Variants in AFAP1L1 observed in about 807,000 individuals in gnomAD.
The protein encoded by AFAP1L1 is actin filament-associated protein 1-like 1.
In AFAP1L1, 77 loss-of-function variants were observed where a neutral mutation model predicts 99.8. That is an observed-to-expected ratio of 0.77 (90% CI 0.64 to 0.93). The LOEUF is 0.93. Ranked by LOEUF, AFAP1L1 falls within the 40% of genes least tolerant of loss-of-function variation. The probability of loss-of-function intolerance (pLI) is 0.00; values close to 1 mark genes in which losing one functional copy is unlikely to be tolerated. For synonymous variants in AFAP1L1, 373 were observed against 395.3 expected, an observed-to-expected ratio of 0.94 and a Z score of 0.67; for missense variants, 893 against 996.8, an observed-to-expected ratio of 0.90 and a Z score of 1.40.
rs143430138 is a variant in AFAP1L1 at position 149,318,213 on chromosome 5, C to T, written c.1479+273C>T. Among the ~76,000 whole-genome samples, 25 of 152,286 alleles carry T rather than the reference C, an allele frequency of 1.6e-4. No homozygotes were observed. The South Asian group carries it at 2.5e-3, about 15-fold the overall frequency. On this transcript the variant is annotated intron_variant, in intron 12 of 18. Coordinates refer to ENST00000296721, the MANE Select transcript of AFAP1L1 (RefSeq NM_152406.4). ...ACGCAACATTGGAGCTTTATTGATA[C>T]TAAAATATTATTCATTGTTCATCTG...
At chr5:149,283,043 A>G (rs1203498434) in intron 1 of AFAP1L1, among the ~76,000 whole-genome samples, 1 of 151,912 alleles carries the variant, frequency 6.6e-6, no homozygotes, top group Non-Finnish European at 1.5e-5. Flanking sequence ...TAAGGAAGCT[A>G]TGCAGATCCC....
chr5:149,325,373 G>A (rs1244307189), intron 15 of AFAP1L1, among the ~76,000 whole-genome samples: 1 of 152,200 alleles, frequency 6.6e-6, no homozygotes, highest in Non-Finnish European at 1.5e-5. Flanking sequence ...AGGAAGGGCA[G>A]GCTGCCAGTA....
At chr5:149,318,893 G>A (rs1399915164) in intron 12 of AFAP1L1, among the ~76,000 whole-genome samples, 3 of 152,126 alleles carry the variant, frequency 2.0e-5, no homozygotes, top group African/African-American at 7.2e-5. Context: ...TCTTGGTCTT[G>A]TTTTCTGCCC....
intron 1 of AFAP1L1, among the ~76,000 whole-genome samples, chr5:149,283,005 C>T (rs995982513): frequency 6.6e-6 from 1 of 152,200 alleles, no homozygotes; most frequent in South Asian, 2.1e-4. Flanking sequence ...ACAGCCCATT[C>T]CATCCCTCTT....
intron 7 of AFAP1L1, among the ~76,000 whole-genome samples, chr5:149,308,890 T>C (rs1756519615): frequency 6.6e-6 from 1 of 151,140 alleles, no homozygotes; most frequent in African/African-American, 2.4e-5. Context: ...AAGCTAGGAG[T>C]TCGAAACCAG....
chr5:149,333,909 A>ATG (rs34521043), intron 17 of AFAP1L1, among the ~76,000 whole-genome samples: 16,835 of 152,126 alleles, frequency 0.11, 1,265 homozygotes, highest in Non-Finnish European at 0.16. Flanking sequence ...ATTTGTGTGT[A>ATG]TGTGTGTGTG....
intron 2 of AFAP1L1, 26 bp downstream of exon 2, chr5:149,299,663 G>A: frequency 2.5e-6 from 4 of 1,613,862 alleles, no homozygotes; most frequent in Non-Finnish European, 3.4e-6. Context: ...CCTGCCTGGA[G>A]GAGCTCCACT....
At chr5:149,336,301 A>T (rs1274799943) in intron 18 of AFAP1L1, among the ~76,000 whole-genome samples, 2 of 152,268 alleles carry the variant, frequency 1.3e-5, no homozygotes, top group African/African-American at 4.8e-5. Context: ...TATATAGCAC[A>T]TGGAGTGAAT....
At chr5:149,279,787 A>G (rs1755457055) in intron 1 of AFAP1L1, among the ~76,000 whole-genome samples, 1 of 152,088 alleles carries the variant, frequency 6.6e-6, no homozygotes, top group Admixed American at 6.5e-5. Flanking sequence ...GCAGCTTTGA[A>G]TATTTTGTGC....
At chr5:149,331,437 G>A (rs995922398) in intron 16 of AFAP1L1, among the ~76,000 whole-genome samples, 1 of 152,078 alleles carries the variant, frequency 6.6e-6, no homozygotes, top group Non-Finnish European at 1.5e-5. Flanking sequence ...TGGCTAACAC[G>A]GTGAAACCCC....
At chr5:149,276,439 A>G (rs1182282041) in intron 1 of AFAP1L1, among the ~76,000 whole-genome samples, 3 of 152,240 alleles carry the variant, frequency 2.0e-5, no homozygotes, top group Non-Finnish European at 4.4e-5. Context: ...AAGAGAATCA[A>G]CCATCAGGTA....
At chr5:149,282,430 A>G (rs1387388109) in intron 1 of AFAP1L1, among the ~76,000 whole-genome samples, 1 of 152,138 alleles carries the variant, frequency 6.6e-6, no homozygotes, top group South Asian at 2.1e-4. Context: ...GGTGGAAGCA[A>G]TTCACTGCCG....
At chr5:149,332,144 C>G (rs1757274738) in intron 16 of AFAP1L1, among the ~76,000 whole-genome samples, 1 of 152,200 alleles carries the variant, frequency 6.6e-6, no homozygotes, top group African/African-American at 2.4e-5. Context: ...TGCCTGTAAT[C>G]CCAGCACTTT....
In AFAP1L1 at chr5:149,320,822, ACT is replaced by A. The variant is rs1756932314; in HGVS notation, c.1698+362_1698+363del. ...TCCGTGGTGTCTGGGGCAGGTCCTG[ACT>A]CTGGGACCACCCCGCAAGCCTTCAC... On this transcript the variant is annotated intron_variant, in intron 14 of 18. Transcript: ENST00000296721. The surrounding 1 kb of genome is among the most constrained non-coding windows in gnomAD (Gnocchi z 4.0). 2.0e-5 allele frequency among the ~76,000 whole-genome samples: 3 copies of A among 152,126 alleles called. No individual in the cohort carries two copies. Among genetic ancestry groups the A allele is most frequent in the Admixed American group, 1.3e-4 (2 of 15,282 alleles).
chr5:149,305,086 T>C (rs1756366244), intron 5 of AFAP1L1, among the ~76,000 whole-genome samples: 2 of 152,222 alleles, frequency 1.3e-5, no homozygotes, highest in South Asian at 4.1e-4. Context: ...CTCCCTGCCT[T>C]GTGGGAATCA....
chr5:149,316,391 C>T, intron 11 of AFAP1L1, 88 bp downstream of exon 11: 1 of 1,491,794 alleles, frequency 6.7e-7, no homozygotes, highest in East Asian at 2.3e-5. Context: ...ATGCCTCGTC[C>T]ACCTCACCCC....
chr5:149,282,484 G>A (rs1000602924), intron 1 of AFAP1L1, among the ~76,000 whole-genome samples: 42 of 152,182 alleles, frequency 2.8e-4, no homozygotes, highest in African/African-American at 9.7e-4. Context: ...CCCCCCTTGG[G>A]CTTCAGTTCC....
In AFAP1L1 at chr5:149,329,700, C is replaced by T. The variant is rs765132637; in HGVS notation, c.1845C>T (p.Ala615=). The change falls in exon 16 of 19, where the codon GCC becomes GCT. Residue 615 remains alanine, a synonymous_variant. Coordinates refer to ENST00000296721, the MANE Select transcript of AFAP1L1 (RefSeq NM_152406.4). ...AATACAAGTATGGCAAGAACCGAGC[C>T]GAGGAGGATGCCCGGAGGTACTTGG... is the stretch of plus-strand genomic sequence containing the variant. ...ANQYKYGKNR[A]EEDARRYLVE... is the part of the protein sequence containing the mutation. 17 of 1,613,830 alleles carry T rather than the reference C, an allele frequency of 1.1e-5. No individual in the cohort carries two copies. The South Asian group carries it at 1.1e-4, about 10-fold the overall frequency.
At chr5:149,291,456 G>A (rs1161597898) in intron 1 of AFAP1L1, among the ~76,000 whole-genome samples, 1 of 146,314 alleles carries the variant, frequency 6.8e-6, no homozygotes, top group Admixed American at 7.0e-5. Flanking sequence ...AACCCAGGAG[G>A]CGGAGGTTGC....
Sources: allele counts gnomAD v4.1 joint callset (sites outside exome capture counted in the v4.1 genomes callset), GRCh38; gene constraint gnomAD v4.1.1; non-coding constraint Gnocchi (gnomAD v3.1); transcripts MANE v1.5; gene names NCBI Gene and HGNC (gene_info 2026-07-23, HGNC 2026-07-21).